PDS5B: variants seen among roughly 807,000 people sequenced by gnomAD.
PDS5B encodes sister chromatid cohesion protein PDS5 homolog B.
A neutral mutation model predicts 184.1 loss-of-function variants in PDS5B; 51 were observed. That is an observed-to-expected ratio of 0.28 (90% CI 0.22 to 0.35). The LOEUF is 0.35. PDS5B is among the 10% of genes least tolerant of loss of function. The pLI, the probability that PDS5B is intolerant of heterozygous loss-of-function variation, is 1.00. For missense variants in PDS5B, 1,180 were observed against 1,723.3 expected, an observed-to-expected ratio of 0.68 and a Z score of 5.58; for synonymous variants, 566 against 569.2, an observed-to-expected ratio of 0.99 and a Z score of 0.08.
intron 19 of PDS5B, among the ~76,000 whole-genome samples, chr13:32,715,127 C>T (rs74381162): frequency 0.011 from 1,713 of 152,228 alleles, 34 homozygotes; most frequent in African/African-American, 0.039. Flanking sequence ...GTTAGGTCAG[C>T]GCAGTGGAAA....
chr13:32,671,981 G>A (rs1333209654), intron 7 of PDS5B, among the ~76,000 whole-genome samples: 1 of 152,148 alleles, frequency 6.6e-6, no homozygotes, highest in Non-Finnish European at 1.5e-5. Flanking sequence ...ATGCATCTTT[G>A]CCAATTTCAG....
intron 14 of PDS5B, among the ~76,000 whole-genome samples, chr13:32,696,394 T>C (rs144377561): frequency 6.1e-4 from 93 of 152,266 alleles, no homozygotes; most frequent in African/African-American, 1.9e-3. Context: ...ACTTCCCTGA[T>C]GCAACCCGTA....
intron 8 of PDS5B, among the ~76,000 whole-genome samples, chr13:32,674,392 T>C (rs1951014120): frequency 6.6e-6 from 1 of 152,104 alleles, no homozygotes; most frequent in South Asian, 2.1e-4. Context: ...TCTGGAGTAG[T>C]TTTTGGTATA....
At chr13:32,597,070 C>T (rs1012487149) in intron 1 of PDS5B, among the ~76,000 whole-genome samples, 12 of 152,104 alleles carry the variant, frequency 7.9e-5, no homozygotes, top group African/African-American at 2.9e-4. Flanking sequence ...CAGCGTCTCA[C>T]TCTCCCAGGC....
intron 7 of PDS5B, among the ~76,000 whole-genome samples, chr13:32,668,117 T>G (rs563152500): frequency 7.2e-5 from 11 of 152,180 alleles, no homozygotes; most frequent in Non-Finnish European, 1.6e-4. Flanking sequence ...ATATTCTGTT[T>G]GTTTCTACTG....
At chr13:32,628,080 C>T (rs2058396730) in intron 1 of PDS5B, among the ~76,000 whole-genome samples, 1 of 152,048 alleles carries the variant, frequency 6.6e-6, no homozygotes, top group African/African-American at 2.4e-5. Flanking sequence ...AGAGAACAGC[C>T]TTGAAGGATA....
chr13:32,613,455 C>T (rs1357182174), intron 1 of PDS5B, among the ~76,000 whole-genome samples: 3 of 152,138 alleles, frequency 2.0e-5, no homozygotes, highest in Admixed American at 1.3e-4. Flanking sequence ...ACTGGTATCA[C>T]GTTGTGGTTT....
rs77569422 is a variant in PDS5B at position 32,717,690 on chromosome 13, A to T, written c.2123+7584A>T. On this transcript the variant is annotated intron_variant, in intron 19 of 34. Coordinates refer to ENST00000315596, the MANE Select transcript of PDS5B (RefSeq NM_015032.4). ...AGAAACACCCAAGAATGATCAATAA[A>T]AAAAAAAAAAAATAAATAAATCAAT... 9.5e-3 allele frequency among the ~76,000 whole-genome samples: 1,363 copies of T among 143,478 alleles called. 23 individuals are homozygous for T. Among genetic ancestry groups the T allele is most frequent in the African/African-American group, 0.033 (1,265 of 38,324 alleles). 94.1% of individuals were successfully genotyped at this position (143,478 alleles called of 152,430 possible).
chr13:32,743,472 G>C (rs1953634960), intron 23 of PDS5B, among the ~76,000 whole-genome samples: 1 of 152,102 alleles, frequency 6.6e-6, no homozygotes, highest in Non-Finnish European at 1.5e-5. Context: ...GTCAGTGTTA[G>C]TTAAAATTTA....
intron 6 of PDS5B, among the ~76,000 whole-genome samples, chr13:32,666,260 T>C (rs976554048): frequency 6.6e-6 from 1 of 152,098 alleles, no homozygotes; most frequent in Non-Finnish European, 1.5e-5. Context: ...TTATTTTTAT[T>C]GGAGACGGGG....
At chr13:32,702,180 C>G (rs189551395) in intron 17 of PDS5B, among the ~76,000 whole-genome samples, 56 of 152,186 alleles carry the variant, frequency 3.7e-4, no homozygotes, top group African/African-American at 1.2e-3. Flanking sequence ...ATCTTATGCT[C>G]AAACCCTGTT....
In PDS5B at chr13:32,722,100, A is replaced by G. The variant is rs527765192; in HGVS notation, c.2124-10001A>G. On this transcript the variant is annotated intron_variant, in intron 19 of 34. Transcript: ENST00000315596. ...CTGAGTGAGCAAGACTCCGTCTGCA[A>G]TCCCGGCACCTTGGGAGGCCGAGGC... is the stretch of plus-strand genomic sequence containing the variant. Among the ~76,000 whole-genome samples, 8 of 152,362 alleles carry G rather than the reference A, an allele frequency of 5.3e-5. No homozygotes were observed. The East Asian group carries it at 1.4e-3, about 26-fold the overall frequency.
rs1566432414 is a variant in PDS5B, at chr13:32,770,452, C to G, written c.3956C>G (p.Ser1319Cys). The G allele has an allele frequency of 1.2e-6, 2 of 1,612,984 alleles. No individual in the cohort carries two copies. The highest frequency in any genetic ancestry group is 1.7e-6 in the Non-Finnish European group (2 of 1,179,682). ...KTSKKGSKKK[S>C]GPPAPEEEEE... Reference sequence around the variant, plus strand: ...TCTAAAAAAGGAAGCAAAAAAAAATCTGGACCTCCAGCACCAGAGGAGGAG... The same window carrying G: ...TCTAAAAAAGGAAGCAAAAAAAAATGTGGACCTCCAGCACCAGAGGAGGAG... Residue 1319 changes from serine (S) to cysteine (C), a missense_variant, in exon 32 of 35, where the codon TCT (serine) becomes TGT (cysteine). Ser to Cys is a moderately radical substitution (Grantham distance 112, BLOSUM62 -1). This residue lies in a region of PDS5B where 465 missense variants were observed against 497.8 expected (regional missense o/e 0.93). Transcript: ENST00000315596.
At chr13:32,706,107 G>A (rs978097344) in intron 17 of PDS5B, among the ~76,000 whole-genome samples, 9 of 151,656 alleles carry the variant, frequency 5.9e-5, no homozygotes, top group South Asian at 2.1e-4. Context: ...GTGAAACCCC[G>A]TCTCTACTAA....
At chr13:32,640,575 T>TGA (rs1305620964) in intron 1 of PDS5B, among the ~76,000 whole-genome samples, 1 of 152,106 alleles carries the variant, frequency 6.6e-6, no homozygotes, top group Non-Finnish European at 1.5e-5. Flanking sequence ...TTATGCTTAC[T>TGA]GTTCATGCTG....
intron 10 of PDS5B, among the ~76,000 whole-genome samples, chr13:32,682,025 A>G (rs1021823049): frequency 6.6e-6 from 1 of 152,202 alleles, no homozygotes; most frequent in Non-Finnish European, 1.5e-5. Context: ...ACATGCCTCC[A>G]CAAGTTTCTC....
intron 1 of PDS5B, among the ~76,000 whole-genome samples, chr13:32,596,127 G>C (rs1361579516): frequency 6.6e-6 from 1 of 152,134 alleles, no homozygotes; most frequent in Non-Finnish European, 1.5e-5. Context: ...TCACTTTGAT[G>C]AGGTGTGATG....
chr13:32,757,735 G>C (rs1954236006), intron 26 of PDS5B, among the ~76,000 whole-genome samples: 1 of 152,132 alleles, frequency 6.6e-6, no homozygotes, highest in African/African-American at 2.4e-5. Context: ...GGCCTCACTT[G>C]ATCCGTGGCC....
chr13:32,631,182 C>T (rs553523839), intron 1 of PDS5B, among the ~76,000 whole-genome samples: 13 of 144,632 alleles, frequency 9.0e-5, no homozygotes, highest in Non-Finnish European at 1.6e-4. Flanking sequence ...GTGGTGGGAT[C>T]GTGGCTCACT....
Sources: gnomAD v4.1 joint callset for allele counts (sites outside exome capture counted in the v4.1 genomes callset) on GRCh38, gnomAD v4.1.1 for gene constraint, gnomAD v4.1.1 regional missense constraint, MANE v1.5 for transcripts, NCBI Gene and HGNC (gene_info 2026-07-23, HGNC 2026-07-21) for gene names.